The following SPOCK2 variants were observed in gnomAD, a reference collection of about 807,000 sequenced individuals.
SPOCK2 encodes testican-2.
In SPOCK2, 39 loss-of-function variants were observed where a neutral mutation model predicts 60.1. The observed-to-expected ratio is 0.65, with a 90% CI of 0.50 to 0.85. The LOEUF (loss-of-function observed/expected upper bound fraction) is 0.85, where lower values mean the gene tolerates loss of function less well. Among genes scored for constraint, SPOCK2 ranks in the 40% least tolerant of loss-of-function variants. The pLI is 0.00. For missense variants in SPOCK2, 523 were observed against 567.4 expected, an observed-to-expected ratio of 0.92 and a Z score of 0.80; for synonymous variants, 217 against 231.5, an observed-to-expected ratio of 0.94 and a Z score of 0.57.
chr10:72,064,237 G>A lies in SPOCK2; in HGVS notation c.932C>T (p.Pro311Leu). The change falls in exon 9 of 11, where the codon CCC becomes CTC. Residue 311 changes from proline to leucine, a missense_variant. Physicochemically the swap from Pro to Leu is moderately conservative, Grantham distance 98. Coordinates refer to ENST00000373109, the MANE Select transcript of SPOCK2 (RefSeq NM_001244950.2). ...GCGCTCCAGCTCTGCCAGGCAGGGG[G>A]GCTCTGTGGGGAGAGAAGCAGCCTC... ...EWCFCFWREK[P>L]PCLAELERIQ... The A allele has an allele frequency of 6.3e-7, 1 of 1,596,190 alleles. No individual in the cohort carries two copies. Among genetic ancestry groups the A allele is most frequent in the Non-Finnish European group, 8.5e-7 (1 of 1,173,660 alleles).
chr10:72,068,112 C>T lies in SPOCK2; in HGVS notation c.589+75G>A. ...CCTCTTGCTCTGCACACCTCTTCTA[C>T]CACCCTAGAGCCCTGAAGGAGGTGC... On this transcript the variant is annotated intron_variant, in intron 6 of 10. Coordinates refer to ENST00000373109, the MANE Select transcript of SPOCK2 (RefSeq NM_001244950.2). 1.3e-5 allele frequency: 20 copies of T among 1,501,130 alleles called. No individual in the cohort carries two copies. In the South Asian group the frequency reaches 2.4e-4, roughly 18 times the overall value. 93.0% of individuals were successfully genotyped at this position (1,501,130 alleles called of 1,614,324 possible).
In SPOCK2 at chr10:72,067,743, G is replaced by C; in HGVS notation, c.590-11C>G. On this transcript the variant is annotated splice_polypyrimidine_tract_variant and intron_variant, in intron 6 of 10. Transcript: ENST00000373109. Reference sequence around the variant, plus strand: ...GACCGGTGCAAGTCTCTGCAGAACAGAGAGAAGGCATGGAGGGCGAATGTG... The same window carrying C: ...GACCGGTGCAAGTCTCTGCAGAACACAGAGAAGGCATGGAGGGCGAATGTG... 6.2e-7 allele frequency: 1 copy of C among 1,612,258 alleles called. No individual in the cohort carries two copies. Among genetic ancestry groups the C allele is most frequent in the Non-Finnish European group, 8.5e-7 (1 of 1,179,378 alleles).
rs1840506828 is a variant in SPOCK2 at position 72,062,648 on chromosome 10, C to G, written c.*112G>C. 4.6e-6 allele frequency: 7 copies of G among 1,508,714 alleles called. No homozygotes were observed. The highest frequency in any genetic ancestry group is 5.3e-6 in the Non-Finnish European group (6 of 1,137,522). 93.5% of individuals were successfully genotyped at this position (1,508,714 alleles called of 1,614,324 possible). A position where few individuals can be genotyped will look rare whatever the true frequency, so the allele number is the denominator to read the frequency against. On this transcript the variant is annotated 3_prime_UTR_variant, in exon 11 of 11. Transcript: ENST00000373109. This position sits in a 1 kb window ranked among gnomAD's most constrained non-coding sequence, Gnocchi z 4.3. ...TGCACACTCACACTCCCAGTCCCCC[C>G]AGGTGGAGCAGGGTCCTTCTGACTG... is the stretch of plus-strand genomic sequence containing the variant.
At chr10:72,075,917 G>A (rs75818392) in intron 1 of SPOCK2, among the ~76,000 whole-genome samples, 2,853 of 152,280 alleles carry the variant, frequency 0.019, 97 homozygotes, top group African/African-American at 0.066. Flanking sequence ...GCAAGCACCC[G>A]ACCTCGAGGG....
chr10:72,070,264 G>A, intron 5 of SPOCK2, 48 bp downstream of exon 5: 1 of 1,586,290 alleles, frequency 6.3e-7, no homozygotes, highest in Non-Finnish European at 8.6e-7. Context: ...GCTTCCTGTG[G>A]CCTCAGGTGA....
rs1412120116 is a variant in SPOCK2, at chr10:72,081,352, G to C, written c.189+6788C>G. 2.6e-5 allele frequency among the ~76,000 whole-genome samples: 4 copies of C among 152,316 alleles called. No individual in the cohort carries two copies. The South Asian group carries it at 8.3e-4, about 32-fold the overall frequency. ...GGGGACAAGGGGTCAGGGAAGGAGC[G>C]AGCTGTTTGCATCCAGGCAGAGGTA... On this transcript the variant is annotated intron_variant, in intron 1 of 10. Transcript: ENST00000373109.
At chr10:72,081,306 C>A (rs750249076) in intron 1 of SPOCK2, among the ~76,000 whole-genome samples, 2 of 152,216 alleles carry the variant, frequency 1.3e-5, no homozygotes, top group East Asian at 3.9e-4. Context: ...TCAGAGACTT[C>A]GCGTCCTCTG....
chr10:72,063,284 C>G lies in SPOCK2; in HGVS notation c.992-122G>C, dbSNP rs904229572. On this transcript the variant is annotated intron_variant, in intron 9 of 10. Coordinates refer to ENST00000373109, the MANE Select transcript of SPOCK2 (RefSeq NM_001244950.2). ...ATACACCCCCAGAGCCCAGCCAGAC[C>G]GGGTGCTGACCCCCCAACAGGCCCA... 4.3e-6 allele frequency: 6 copies of G among 1,389,568 alleles called. No homozygotes were observed. In the African/African-American group the frequency reaches 8.7e-5, roughly 20 times the overall value. 86.1% of individuals were successfully genotyped at this position (1,389,568 alleles called of 1,614,324 possible). A position where few individuals can be genotyped will look rare whatever the true frequency, so the allele number is the denominator to read the frequency against.
intron 1 of SPOCK2, among the ~76,000 whole-genome samples, chr10:72,084,087 G>A (rs1840823776): frequency 6.6e-6 from 1 of 152,148 alleles, no homozygotes; most frequent in South Asian, 2.1e-4. Flanking sequence ...CCAGGATCAT[G>A]GTGAAGTCCC....
intron 1 of SPOCK2, chr10:72,086,526 C>T: frequency 1.8e-6 from 2 of 1,126,988 alleles, no homozygotes; most frequent in South Asian, 2.0e-5. Flanking sequence ...ACATGGATTC[C>T]GGATGGGCCG....
At chr10:72,081,426 C>T (rs1005037562) in intron 1 of SPOCK2, among the ~76,000 whole-genome samples, 1 of 152,228 alleles carries the variant, frequency 6.6e-6, no homozygotes, top group Non-Finnish European at 1.5e-5. Flanking sequence ...CAGCCTTGAC[C>T]GACTGGCAGG....
intron 1 of SPOCK2, among the ~76,000 whole-genome samples, chr10:72,076,236 C>G (rs1234019891): frequency 6.6e-6 from 1 of 152,194 alleles, no homozygotes; most frequent in Non-Finnish European, 1.5e-5. Flanking sequence ...GAGGGTAAAA[C>G]TCAAGGACAC....
chr10:72,082,436 C>A (rs1197619964), intron 1 of SPOCK2, among the ~76,000 whole-genome samples: 1 of 152,320 alleles, frequency 6.6e-6, no homozygotes, highest in East Asian at 1.9e-4. Flanking sequence ...CTGTGTCCCC[C>A]CCAGACCCAT....
At chr10:72,067,219 C>T in intron 7 of SPOCK2, 99 bp from the exon 8 acceptor site, 2 of 1,248,168 alleles carry the variant, frequency 1.6e-6, no homozygotes, top group Non-Finnish European at 2.2e-6. Context: ...GCCCTCTATT[C>T]TGGGTCTGGG....
At chr10:72,074,735 G>A (rs917636152) in intron 1 of SPOCK2, among the ~76,000 whole-genome samples, 7 of 152,202 alleles carry the variant, frequency 4.6e-5, no homozygotes, top group East Asian at 1.9e-4. Flanking sequence ...CGGGAGGACC[G>A]CAGACTGCTC....
chr10:72,082,895 C>T (rs1840805717), intron 1 of SPOCK2, among the ~76,000 whole-genome samples: 2 of 149,734 alleles, frequency 1.3e-5, no homozygotes, highest in African/African-American at 2.5e-5. Context: ...CTACATAGAG[C>T]TCATGCTCTC....
intron 1 of SPOCK2, among the ~76,000 whole-genome samples, chr10:72,076,506 G>A (rs969928680): frequency 1.3e-5 from 2 of 152,224 alleles, no homozygotes; most frequent in Admixed American, 6.5e-5. Flanking sequence ...TGGGGATTTG[G>A]AAGAGCTCGT....
At chr10:72,085,859 GCTT>G (rs1564551932) in intron 1 of SPOCK2, among the ~76,000 whole-genome samples, 1 of 152,218 alleles carries the variant, frequency 6.6e-6, no homozygotes, top group Non-Finnish European at 1.5e-5. Context: ...AGGAAGTAGG[GCTT>G]CTTCTGGCAG....
At chr10:72,070,593 C>T (rs909847367) in intron 4 of SPOCK2, among the ~76,000 whole-genome samples, 167 bp from the exon 5 acceptor site, 1 of 152,016 alleles carries the variant, frequency 6.6e-6, no homozygotes, top group African/African-American at 2.4e-5. Flanking sequence ...CCAGACCCTC[C>T]TCCAGCTCAG....
Sources: gnomAD v4.1 joint callset for allele counts (sites outside exome capture counted in the v4.1 genomes callset) on GRCh38, gnomAD v4.1.1 for gene constraint, Gnocchi (gnomAD v3.1) non-coding constraint, MANE v1.5 for transcripts, NCBI Gene and HGNC (gene_info 2026-07-23, HGNC 2026-07-21) for gene names.